The following SYT7 variants were observed in gnomAD, a reference collection of about 807,000 sequenced individuals.
SYT7 encodes the protein synaptotagmin 7.
A neutral mutation model predicts 75.1 loss-of-function variants in SYT7; 29 were observed. The observed-to-expected ratio is 0.39, with a 90% CI of 0.29 to 0.53. SYT7 has a LOEUF of 0.53. SYT7 is among the 20% of genes least tolerant of loss of function. The pLI, the probability that SYT7 is intolerant of heterozygous loss-of-function variation, is 0.77. For synonymous variants in SYT7, 376 were observed against 401.7 expected (o/e 0.94, Z 0.76); for missense variants, 693 against 953.2 (o/e 0.73, Z 3.59).
intron 1 of SYT7, among the ~76,000 whole-genome samples, chr11:61,558,326 G>A (rs569347264): frequency 6.6e-6 from 1 of 152,126 alleles, no homozygotes; most frequent in Admixed American, 6.5e-5. Context: ...ACGTGTGCCT[G>A]TACTCCCAGC....
intron 1 of SYT7, among the ~76,000 whole-genome samples, chr11:61,573,750 G>A (rs756397106): frequency 2.0e-5 from 3 of 152,068 alleles, no homozygotes; most frequent in Admixed American, 6.6e-5. Context: ...AAGATCCCTC[G>A]AACCTCTGAG....
At chr11:61,543,203 C>A (rs562564948) in intron 5 of SYT7, among the ~76,000 whole-genome samples, 15 of 152,166 alleles carry the variant, frequency 9.9e-5, no homozygotes, top group Non-Finnish European at 1.9e-4. Flanking sequence ...CAGGGTCTGG[C>A]GTGGATCTTT....
intron 8 of SYT7, among the ~76,000 whole-genome samples, chr11:61,528,862 C>A (rs1016551932): frequency 2.6e-5 from 4 of 152,118 alleles, no homozygotes; most frequent in African/African-American, 9.7e-5. Flanking sequence ...GTGTAAAAGG[C>A]GCCTCAGATG....
chr11:61,584,913 T>G (rs1488698919), upstream of SYT7, among the ~76,000 whole-genome samples: 1 of 152,204 alleles, frequency 6.6e-6, no homozygotes, highest in Non-Finnish European at 1.5e-5. Flanking sequence ...GCCCTCTCAT[T>G]CTGTTTCGTT....
Position 61,551,340 on chromosome 11 carries a change from G to T in SYT7, c.215+44C>A. The T allele has an allele frequency of 6.3e-7, 1 of 1,591,418 alleles. No individual in the cohort carries two copies. Among genetic ancestry groups the T allele is most frequent in the South Asian group, 1.1e-5 (1 of 90,550 alleles). On this transcript the variant is annotated intron_variant, in intron 3 of 12. Transcript: ENST00000539008. This position sits in a 1 kb window ranked among gnomAD's most constrained non-coding sequence, Gnocchi z 5.3. ...GAGAGAAGGGGCTCCTCCCACCTGG[G>T]CTGCTTGTGTGGCCCCATCCCAAAC...
intron 7 of SYT7, among the ~76,000 whole-genome samples, chr11:61,535,531 G>GCCTC (rs1218399591): frequency 6.6e-6 from 1 of 152,346 alleles, no homozygotes; most frequent in East Asian, 1.9e-4. Context: ...TGGAGCCAGG[G>GCCTC]CCTCCCTCCC....
At position 61,530,014 on chromosome 11, in the gene SYT7, T is replaced by C. The variant is rs1219222953; in HGVS notation, c.1201-1829A>G. 3.3e-5 allele frequency among the ~76,000 whole-genome samples: 5 copies of C among 152,308 alleles called. No homozygotes were observed. The East Asian group carries it at 9.6e-4, about 29-fold the overall frequency. The stretch of plus-strand genomic sequence containing the variant: ...CTGCCCTGTGCCCTGTGCCTTGTCC[T>C]CACTGACCTCTTACAACATCCCAAT... On this transcript the variant is annotated intron_variant, in intron 8 of 12. Coordinates refer to ENST00000539008, the MANE Select transcript of SYT7 (RefSeq NM_001365809.2).
At chr11:61,529,645 G>A (rs964421818) in intron 8 of SYT7, among the ~76,000 whole-genome samples, 2 of 152,014 alleles carry the variant, frequency 1.3e-5, no homozygotes, top group Non-Finnish European at 1.5e-5. Flanking sequence ...ATAGTTTTTT[G>A]TTTTTTTGAG....
upstream of SYT7, among the ~76,000 whole-genome samples, chr11:61,581,693 G>A (rs1590975473): frequency 6.6e-6 from 1 of 152,208 alleles, no homozygotes; most frequent in African/African-American, 2.4e-5. Flanking sequence ...CCCTCGGTAG[G>A]AGGTTTGGCC....
intron 2 of SYT7, among the ~76,000 whole-genome samples, chr11:61,552,197 G>T (rs1414144662): frequency 6.6e-6 from 1 of 152,140 alleles, no homozygotes; most frequent in Non-Finnish European, 1.5e-5. Context: ...GGCCACAGCG[G>T]CAACTGGGCC....
intron 1 of SYT7, among the ~76,000 whole-genome samples, chr11:61,560,881 T>C (rs2063620549): frequency 6.6e-6 from 1 of 152,040 alleles, no homozygotes; most frequent in African/African-American, 2.4e-5. Flanking sequence ...TGGACGGGCA[T>C]TGTTAGGGAG....
chr11:61,538,607 G>T (rs2062952146), intron 6 of SYT7, among the ~76,000 whole-genome samples: 1 of 152,142 alleles, frequency 6.6e-6, no homozygotes, highest in Admixed American at 6.5e-5. Context: ...CTGGGCAGAG[G>T]CCTGCAGAGG....
intron 1 of SYT7, among the ~76,000 whole-genome samples, chr11:61,559,906 G>A (rs2063594503): frequency 6.6e-6 from 1 of 152,148 alleles, no homozygotes; most frequent in African/African-American, 2.4e-5. Flanking sequence ...GGGTCTAGGA[G>A]AACTAGGCTG....
At chr11:61,538,346 GGAGAGAGAGAGAGAGAGAGAGA>G (rs58071370) in intron 6 of SYT7, 80 bp from the exon 7 acceptor site, 14 of 203,294 alleles carry the variant, frequency 6.9e-5, no homozygotes, top group Middle Eastern at 3.4e-3. Context: ...GGAGAGAGAG[GGAGAGAGAGAGAGAGAGAGAGA>G]GAGAGAGAGA....
chr11:61,526,037 T>C (rs2062504150), intron 9 of SYT7: 1 of 152,332 alleles, frequency 6.6e-6, no homozygotes, highest in Non-Finnish European at 1.5e-5. Flanking sequence ...AAACCAGGTA[T>C]GAGCAGGAAG....
chr11:61,584,630 C>T (rs2064348167), upstream of SYT7, among the ~76,000 whole-genome samples: 1 of 152,186 alleles, frequency 6.6e-6, no homozygotes, highest in Non-Finnish European at 1.5e-5. Flanking sequence ...AGAGCCGAGC[C>T]AACTGTGAGC....
chr11:61,522,432 C>T (rs1006424474), intron 12 of SYT7, among the ~76,000 whole-genome samples: 15 of 152,136 alleles, frequency 9.9e-5, no homozygotes, highest in African/African-American at 3.6e-4. Context: ...GCAGATGATC[C>T]ACCCGTCTTG....
rs1590970972 is a variant in SYT7, at chr11:61,580,169, C to T, written c.31+621G>A. ...CCCTCCCCAAACCTAGGAGAACATT[C>T]TCTTGGCACCCCCATTCTCATGAGC... On this transcript the variant is annotated intron_variant, in intron 1 of 12. Coordinates refer to ENST00000539008, the MANE Select transcript of SYT7 (RefSeq NM_001365809.2). This position sits in a 1 kb window ranked among gnomAD's most constrained non-coding sequence, Gnocchi z 6.1. Among the ~76,000 whole-genome samples the T allele has an allele frequency of 6.6e-6, 1 of 151,502 alleles. No individual in the cohort carries two copies. The highest frequency in any genetic ancestry group is 2.4e-5 in the African/African-American group (1 of 41,164).
At chr11:61,557,234 C>T (rs1027938104) in intron 1 of SYT7, among the ~76,000 whole-genome samples, 7 of 152,218 alleles carry the variant, frequency 4.6e-5, no homozygotes, top group South Asian at 2.1e-4. Flanking sequence ...ATCACACATG[C>T]GCTATCAATC....
Sources: allele counts gnomAD v4.1 joint callset (sites outside exome capture counted in the v4.1 genomes callset), GRCh38; gene constraint gnomAD v4.1.1; non-coding constraint Gnocchi (gnomAD v3.1); transcripts MANE v1.5; gene names NCBI Gene and HGNC (gene_info 2026-07-23, HGNC 2026-07-21).